DNAAF11: variants seen among roughly 807,000 people sequenced by gnomAD.
DNAAF11 encodes leucine rich repeat containing 6.
In DNAAF11, 45 loss-of-function variants were observed where a neutral mutation model predicts 60.8. The ratio of observed to expected loss-of-function variants is 0.74; its 90% CI spans 0.58 to 0.95. DNAAF11 has a LOEUF of 0.95. Among genes scored for constraint, DNAAF11 ranks in the 40% least tolerant of loss-of-function variants. DNAAF11 has a pLI of 0.00. For synonymous variants in DNAAF11, 191 were observed against 183.5 expected (o/e 1.04, Z -0.33); for missense variants, 546 against 546.2 (o/e 1.00, Z 0.00).
chr8:132,655,678 A>G (rs1005995728), intron 3 of DNAAF11, among the ~76,000 whole-genome samples: 2 of 152,230 alleles, frequency 1.3e-5, no homozygotes, highest in Non-Finnish European at 2.9e-5. Flanking sequence ...CATTTTTCCA[A>G]AGAAGATATT....
chr8:132,688,431 C>G, the DNAAF11 span, among the ~76,000 whole-genome samples: 2 of 152,126 alleles, frequency 1.3e-5, no homozygotes, highest in Non-Finnish European at 2.9e-5. Flanking sequence ...TATGGCTGAC[C>G]CCACTCCAGG....
chr8:132,697,039 CTAAAA>C, the DNAAF11 span, among the ~76,000 whole-genome samples: 1 of 152,076 alleles, frequency 6.6e-6, no homozygotes, highest in Non-Finnish European at 1.5e-5. Context: ...ACCCCTGAGC[CTAAAA>C]TAAAAGTTAA....
chr8:132,690,038 AT>A, the DNAAF11 span, among the ~76,000 whole-genome samples: 1 of 152,188 alleles, frequency 6.6e-6, no homozygotes, highest in African/African-American at 2.4e-5. Flanking sequence ...ACTGCTTAAT[AT>A]GCATTAGTTT....
At chr8:132,654,915 G>C (rs1448216183) in intron 3 of DNAAF11, among the ~76,000 whole-genome samples, 1 of 151,524 alleles carries the variant, frequency 6.6e-6, no homozygotes, top group Non-Finnish European at 1.5e-5. Flanking sequence ...AGGATTACAG[G>C]GGAAACAAAC....
At chr8:132,610,755 A>G (rs2129970669) in intron 9 of DNAAF11, among the ~76,000 whole-genome samples, 1 of 152,340 alleles carries the variant, frequency 6.6e-6, no homozygotes, top group Admixed American at 6.5e-5. Context: ...ACAGGTTTAA[A>G]ATATTAATGA....
chr8:132,615,147 T>C (rs779210545), intron 7 of DNAAF11, 50 bp from the exon 8 acceptor site: 5 of 1,057,770 alleles, frequency 4.7e-6, no homozygotes, highest in Admixed American at 3.9e-5. Flanking sequence ...TAGGATACTG[T>C]ATAGAAAACC....
At chr8:132,600,975 A>C (rs1398119049) in intron 10 of DNAAF11, among the ~76,000 whole-genome samples, 1 of 152,192 alleles carries the variant, frequency 6.6e-6, no homozygotes, top group Non-Finnish European at 1.5e-5. Flanking sequence ...CTACCATCAG[A>C]GTGAATAGGC....
chr8:132,592,564 TATTC>T (rs1303625150), intron 10 of DNAAF11, among the ~76,000 whole-genome samples: 1 of 152,162 alleles, frequency 6.6e-6, no homozygotes, highest in Non-Finnish European at 1.5e-5. Context: ...ATTAGGACTT[TATTC>T]TAAAGATGAG....
rs1823835459 is a variant in DNAAF11, at chr8:132,658,710, C to T, written c.179-1803G>A. On this transcript the variant is annotated intron_variant, in intron 2 of 11. Coordinates refer to ENST00000620350, the MANE Select transcript of DNAAF11 (RefSeq NM_012472.6). ...TATTATTGTTAAAATGGCCAGCCCA[C>T]AATAAAATACCTCTTCAAAACAGGA... is the stretch of plus-strand genomic sequence containing the variant. Among the ~76,000 whole-genome samples the T allele has an allele frequency of 2.0e-5, 3 of 152,146 alleles. No homozygotes were observed. The South Asian group carries it at 6.2e-4, about 32-fold the overall frequency.
At chr8:132,588,686 C>T (rs1442734479) in intron 10 of DNAAF11, among the ~76,000 whole-genome samples, 1 of 151,444 alleles carries the variant, frequency 6.6e-6, no homozygotes, top group African/African-American at 2.4e-5. Context: ...GTATTTTAAT[C>T]TGTTCTCACA....
intron 3 of DNAAF11, among the ~76,000 whole-genome samples, chr8:132,647,812 G>T (rs894933538): frequency 6.6e-6 from 1 of 152,142 alleles, no homozygotes; most frequent in African/African-American, 2.4e-5. Flanking sequence ...GACTAACCCA[G>T]GAAGAAGTTG....
intron 3 of DNAAF11, among the ~76,000 whole-genome samples, chr8:132,648,452 G>A (rs1822630374): frequency 6.6e-6 from 1 of 152,144 alleles, no homozygotes; most frequent in African/African-American, 2.4e-5. Context: ...ACTGGCACAA[G>A]ACAGGGATGC....
chr8:132,636,146 C>T (rs566716898), intron 4 of DNAAF11, among the ~76,000 whole-genome samples: 10 of 152,086 alleles, frequency 6.6e-5, no homozygotes, highest in African/African-American at 2.4e-4. Flanking sequence ...AGCTCACAAG[C>T]TTTCAATGAA....
At chr8:132,680,855 C>T in the DNAAF11 span, among the ~76,000 whole-genome samples, 3 of 151,634 alleles carry the variant, frequency 2.0e-5, no homozygotes, top group African/African-American at 7.3e-5. Context: ...GACTAATTGG[C>T]ACATTACATG....
intron 10 of DNAAF11, among the ~76,000 whole-genome samples, chr8:132,608,936 A>AATC (rs2129923041): frequency 6.6e-6 from 1 of 152,342 alleles, no homozygotes; most frequent in Non-Finnish European, 1.5e-5. Flanking sequence ...GAAACGCAGA[A>AATC]TTATTAAATT....
chr8:132,610,040 T>G, intron 10 of DNAAF11, 126 bp downstream of exon 10: 36 of 622,534 alleles, frequency 5.8e-5, no homozygotes, highest in East Asian at 8.4e-5. Flanking sequence ...TCAGCTGCTG[T>G]GAGATTTCCT....
At chr8:132,658,951 C>G (rs1029398027) in intron 2 of DNAAF11, among the ~76,000 whole-genome samples, 3 of 152,140 alleles carry the variant, frequency 2.0e-5, no homozygotes, top group Non-Finnish European at 2.9e-5. Context: ...CTAGCCAGAC[C>G]ATTCTAGTAA....
At chr8:132,623,752 G>T (rs549527248) in intron 6 of DNAAF11, among the ~76,000 whole-genome samples, 34 of 152,204 alleles carry the variant, frequency 2.2e-4, no homozygotes, top group Middle Eastern at 6.8e-3. Context: ...ACACTCTTCT[G>T]CATTTTAAAC....
At chr8:132,678,152 T>C (rs1482873022), upstream of DNAAF11, among the ~76,000 whole-genome samples, 1 of 152,162 alleles carries the variant, frequency 6.6e-6, no homozygotes, top group African/African-American at 2.4e-5. Flanking sequence ...ACCCTTTAAA[T>C]TATCAGGCCC....
Sources: gnomAD v4.1 joint callset for allele counts (sites outside exome capture counted in the v4.1 genomes callset) on GRCh38, gnomAD v4.1.1 for gene constraint, MANE v1.5 for transcripts, NCBI Gene and HGNC (gene_info 2026-07-23, HGNC 2026-07-21) for gene names.